Variants in WFDC1 observed in about 807,000 individuals in gnomAD.
WFDC1 encodes WAP four-disulfide core domain 1.
Under a neutral mutation model 32.9 loss-of-function variants are expected in WFDC1, and 39 were observed. That is an observed-to-expected ratio of 1.19 (90% CI 0.92 to 1.55). WFDC1 has a LOEUF of 1.55. Among genes scored for constraint, WFDC1 ranks in the 40% most tolerant of loss-of-function variants. The pLI, the probability that WFDC1 is intolerant of heterozygous loss-of-function variation, is 0.00. For synonymous variants in WFDC1, 184 were observed against 137.4 expected (o/e 1.34, Z -2.37); for missense variants, 386 against 309.5 (o/e 1.25, Z -1.85).
At chr16:84,319,676 GC>G in intron 4 of WFDC1, 105 bp downstream of exon 4, 1 of 1,460,180 alleles carries the variant, frequency 6.8e-7, no homozygotes, top group African/African-American at 1.4e-5. Flanking sequence ...AGCAGCCCCA[GC>G]ACCTGGGCCT....
At chr16:84,306,769 TTCA>T (rs56850546) in intron 1 of WFDC1, among the ~76,000 whole-genome samples, 1 of 151,376 alleles carries the variant, frequency 6.6e-6, no homozygotes, top group Non-Finnish European at 1.5e-5. Context: ...CATCCTCATC[TTCA>T]TCATCATCAT....
chr16:84,303,882 C>G (rs1281867333), intron 1 of WFDC1, among the ~76,000 whole-genome samples: 1 of 152,216 alleles, frequency 6.6e-6, no homozygotes, highest in Non-Finnish European at 1.5e-5. Context: ...CTTTATGGAT[C>G]TGCCTGTTGT....
intron 1 of WFDC1, among the ~76,000 whole-genome samples, chr16:84,308,338 G>A (rs888153074): frequency 2.0e-5 from 3 of 152,172 alleles, no homozygotes; most frequent in East Asian, 1.9e-4. Context: ...TGGTGACACC[G>A]TGTGCAATTT....
At chr16:84,308,304 G>C (rs1404102860) in intron 1 of WFDC1, among the ~76,000 whole-genome samples, 1 of 152,164 alleles carries the variant, frequency 6.6e-6, no homozygotes, top group Non-Finnish European at 1.5e-5. Context: ...TGTTCCCAGG[G>C]ACCTGGTGCC....
intron 1 of WFDC1, 72 bp from the exon 2 acceptor site, chr16:84,312,889 C>A (rs1327226257): frequency 3.0e-6 from 3 of 1,004,420 alleles, no homozygotes; most frequent in Non-Finnish European, 2.5e-6. Flanking sequence ...TGCCCACCCC[C>A]TTGCAAGCTC....
At chr16:84,296,604 G>A (rs1028578976) in intron 1 of WFDC1, among the ~76,000 whole-genome samples, 8 of 152,148 alleles carry the variant, frequency 5.3e-5, no homozygotes, top group Non-Finnish European at 1.2e-4. Context: ...GACAAATCTG[G>A]GCCTCCAGGG....
intron 5 of WFDC1, among the ~76,000 whole-genome samples, chr16:84,325,485 G>A (rs192269479): frequency 5.3e-5 from 8 of 151,638 alleles, no homozygotes; most frequent in Admixed American, 3.3e-4. Flanking sequence ...TTACAGGCAT[G>A]AGCCACTGTG....
At chr16:84,311,716 T>TTTTA (rs1555544793) in intron 1 of WFDC1, among the ~76,000 whole-genome samples, 12 of 147,272 alleles carry the variant, frequency 8.1e-5, no homozygotes, top group Non-Finnish European at 6.0e-5. Context: ...TTTTTTTTTT[T>TTTTA]AGTGGAGAAG....
In WFDC1 at chr16:84,313,063, T is replaced by C. The variant is rs1907737141; in HGVS notation, c.247T>C (p.Cys83Arg). The change falls in exon 2 of 7, where the codon TGT (cysteine) becomes CGT (arginine). Residue 83 changes from cysteine to arginine, a missense_variant. Coordinates refer to ENST00000219454, the MANE Select transcript of WFDC1 (RefSeq NM_021197.4). Reference sequence around the variant, plus strand: ...CCCCGGCGCCTGCCAGGCCGCGCGCTGTCAGGCGGACTCCGAGTGCCCGCG... The same window carrying C: ...CCCCGGCGCCTGCCAGGCCGCGCGCCGTCAGGCGGACTCCGAGTGCCCGCG... ...LPPGACQAAR[C>R]QADSECPRHR... 1.4e-6 allele frequency: 2 copies of C among 1,403,640 alleles called. No homozygotes were observed. The highest frequency in any genetic ancestry group is 1.5e-5 in the African/African-American group (1 of 66,202). 86.9% of individuals were successfully genotyped at this position (1,403,640 alleles called of 1,614,324 possible).
chr16:84,303,276 A>G (rs1907056752), intron 1 of WFDC1, among the ~76,000 whole-genome samples: 1 of 152,046 alleles, frequency 6.6e-6, no homozygotes, highest in African/African-American at 2.4e-5. Context: ...GCTGGGGTGC[A>G]TTTTTATTGG....
At chr16:84,311,185 C>T (rs1437083105) in intron 1 of WFDC1, among the ~76,000 whole-genome samples, 2 of 151,678 alleles carry the variant, frequency 1.3e-5, no homozygotes, top group Non-Finnish European at 2.9e-5. Context: ...TCGGTCTTAC[C>T]TTTAAAATAT....
intron 4 of WFDC1, among the ~76,000 whole-genome samples, chr16:84,322,160 C>CGTGTGTGT (rs10687228): frequency 0.077 from 11,011 of 142,118 alleles, 560 homozygotes; most frequent in African/African-American, 0.13. Context: ...TGTGTGTGTG[C>CGTGTGTGT]GTGTGTGTGT....
chr16:84,296,469 T>C (rs1342165035), intron 1 of WFDC1, among the ~76,000 whole-genome samples: 1 of 151,512 alleles, frequency 6.6e-6, no homozygotes, highest in Non-Finnish European at 1.5e-5. Flanking sequence ...TCAGACAGGG[T>C]TTTTAGGGTT....
At chr16:84,308,638 C>T (rs868127204) in intron 1 of WFDC1, among the ~76,000 whole-genome samples, 11 of 151,364 alleles carry the variant, frequency 7.3e-5, no homozygotes, top group East Asian at 3.9e-4. Flanking sequence ...TGTAGATGCC[C>T]GCCTGGGTGT....
chr16:84,311,055 A>G (rs909347873), intron 1 of WFDC1, among the ~76,000 whole-genome samples: 2 of 152,120 alleles, frequency 1.3e-5, no homozygotes, highest in Non-Finnish European at 2.9e-5. Flanking sequence ...TGTGTGTGCA[A>G]ATGAGCACAA....
At position 84,313,086 on chromosome 16, in the gene WFDC1, G is replaced by T; in HGVS notation, c.270G>T (p.Pro90=). The T allele has an allele frequency of 7.0e-7, 1 of 1,426,188 alleles. No homozygotes were observed. Among genetic ancestry groups the T allele is most frequent in the Non-Finnish European group, 9.1e-7 (1 of 1,095,352 alleles). 88.3% of individuals were successfully genotyped at this position (1,426,188 alleles called of 1,614,324 possible). The change falls in exon 2 of 7, where the codon CCG becomes CCT. Residue 90 remains proline, a synonymous_variant. Transcript: ENST00000219454. ...AARCQADSEC[P]RHRRCCYNGC... The stretch of plus-strand genomic sequence containing the variant: ...GCTGTCAGGCGGACTCCGAGTGCCC[G>T]CGGCACCGGCGCTGCTGCTACAACG...
intron 3 of WFDC1, chr16:84,319,198 G>T (rs2151378279): frequency 1.8e-6 from 1 of 559,842 alleles, no homozygotes; most frequent in Non-Finnish European, 3.2e-6. Context: ...TTTGGGATCA[G>T]GTGAGCTTGG....
At position 84,327,162 on chromosome 16, in the gene WFDC1, A is replaced by C. The variant is rs556800039; in HGVS notation, c.*15+207A>C. The C allele has an allele frequency of 5.3e-6, 3 of 568,702 alleles. No individual in the cohort carries two copies. The South Asian group carries it at 6.4e-5, about 12-fold the overall frequency. The allele number at this position is 568,702 out of a possible 1,614,324, so 35.2% of individuals were successfully genotyped here. A position where few individuals can be genotyped will look rare whatever the true frequency, so the allele number is the denominator to read the frequency against. ...GACTTTAAATGCAACGACATACTAT[A>C]TGCACTGTATGCCATAGAAGCTTAA... On this transcript the variant is annotated intron_variant, in intron 6 of 6. Coordinates refer to ENST00000219454, the MANE Select transcript of WFDC1 (RefSeq NM_021197.4).
intron 1 of WFDC1, among the ~76,000 whole-genome samples, chr16:84,298,678 C>G (rs1051960750): frequency 1.3e-5 from 2 of 152,210 alleles, no homozygotes; most frequent in African/African-American, 2.4e-5. Context: ...GCTCTAGTCT[C>G]TCAAAGCCTC....
Sources: allele counts gnomAD v4.1 joint callset (sites outside exome capture counted in the v4.1 genomes callset), GRCh38; gene constraint gnomAD v4.1.1; transcripts MANE v1.5; gene names NCBI Gene and HGNC (gene_info 2026-07-23, HGNC 2026-07-21).